FAM184A: variants seen among roughly 807,000 people sequenced by gnomAD.
FAM184A encodes the protein family with sequence similarity 184 member A, also known as protein FAM184A.
In FAM184A, 99 loss-of-function variants were observed where a neutral mutation model predicts 143.8. That is an observed-to-expected ratio of 0.69 (90% CI 0.58 to 0.81). The LOEUF is 0.81. FAM184A is among the 40% of genes least tolerant of loss of function. The probability of loss-of-function intolerance (pLI) is 0.00; values close to 1 mark genes in which losing one functional copy is unlikely to be tolerated. For missense variants in FAM184A, 1,217 were observed against 1,310.5 expected (o/e 0.93, Z 1.10); for synonymous variants, 427 against 446.4 (o/e 0.96, Z 0.55).
intron 1 of FAM184A, among the ~76,000 whole-genome samples, chr6:119,087,958 T>A (rs370746432): frequency 4.6e-5 from 7 of 152,116 alleles, no homozygotes; most frequent in East Asian, 3.8e-4. Context: ...CTTAAAGATA[T>A]TACATTAAGT....
At chr6:119,067,736 C>G (rs1787510944) in intron 1 of FAM184A, among the ~76,000 whole-genome samples, 1 of 152,172 alleles carries the variant, frequency 6.6e-6, no homozygotes, top group Non-Finnish European at 1.5e-5. Context: ...ATAATGAGAA[C>G]TGACTATATT....
intron 1 of FAM184A, among the ~76,000 whole-genome samples, chr6:119,105,860 C>T (rs1788763486): frequency 6.6e-6 from 1 of 152,102 alleles, no homozygotes; most frequent in Non-Finnish European, 1.5e-5. Context: ...AAATATCAAG[C>T]ACATTTATTG....
At chr6:119,098,548 G>C (rs1344608797) in intron 1 of FAM184A, among the ~76,000 whole-genome samples, 4 of 152,186 alleles carry the variant, frequency 2.6e-5, no homozygotes, top group South Asian at 2.1e-4. Flanking sequence ...GCTTAAAATG[G>C]TGAGATATCT....
rs550561147 is a variant in FAM184A at position 119,013,844 on chromosome 6, C to T, written c.1531-2413G>A. 2.0e-5 allele frequency among the ~76,000 whole-genome samples: 3 copies of T among 152,296 alleles called. No individual in the cohort carries two copies. In the East Asian group the frequency reaches 5.8e-4, roughly 29 times the overall value. Reference sequence around the variant, plus strand: ...CATATCCTATCTCTTCTTAATAGCGCTGTGGCTCTCACGAAATCATCGAGG... The same window carrying T: ...CATATCCTATCTCTTCTTAATAGCGTTGTGGCTCTCACGAAATCATCGAGG... On this transcript the variant is annotated intron_variant, in intron 5 of 17. Coordinates refer to ENST00000338891, the MANE Select transcript of FAM184A (RefSeq NM_024581.6).
chr6:119,085,575 A>G (rs1788197840), intron 1 of FAM184A, among the ~76,000 whole-genome samples: 1 of 152,126 alleles, frequency 6.6e-6, no homozygotes, highest in South Asian at 2.1e-4. Context: ...TGAGCACTTC[A>G]CACTCTTCCA....
chr6:119,078,798 C>G (rs1040604599), upstream of FAM184A: 1 of 153,976 alleles, frequency 6.5e-6, no homozygotes. This position sits in a 1 kb window ranked among gnomAD's most constrained non-coding sequence, Gnocchi z 5.5. Context: ...CCCGCCCAGC[C>G]CCGCGCAGCC....
At chr6:119,142,414 A>G (rs1309854496) in intron 1 of FAM184A, among the ~76,000 whole-genome samples, 3 of 152,224 alleles carry the variant, frequency 2.0e-5, no homozygotes, top group Admixed American at 6.5e-5. Flanking sequence ...GAAAGTTTCT[A>G]AAACCAGGCT....
intron 1 of FAM184A, among the ~76,000 whole-genome samples, chr6:119,045,805 AT>A (rs145283466): frequency 0.022 from 3,406 of 152,314 alleles, 119 homozygotes; most frequent in African/African-American, 0.078. Context: ...ATTAAAAAAA[AT>A]TTATATTGCA....
At chr6:119,134,407 C>CG (rs1006379528) in intron 1 of FAM184A, among the ~76,000 whole-genome samples, 32 of 151,928 alleles carry the variant, frequency 2.1e-4, no homozygotes, top group African/African-American at 6.0e-4. Flanking sequence ...AAGTCTATTG[C>CG]GGGGGGTGCC....
At chr6:119,111,665 T>G (rs1788937633) in intron 1 of FAM184A, among the ~76,000 whole-genome samples, 1 of 152,210 alleles carries the variant, frequency 6.6e-6, no homozygotes, top group Non-Finnish European at 1.5e-5. Context: ...AGAGGTGTCT[T>G]GTCTGTTGAT....
chr6:119,068,139 T>C (rs1046508769), intron 1 of FAM184A, among the ~76,000 whole-genome samples: 1 of 148,060 alleles, frequency 6.8e-6, no homozygotes, highest in Non-Finnish European at 1.5e-5. Flanking sequence ...CTCCGCCTCC[T>C]GGGTTCAAGC....
intron 1 of FAM184A, among the ~76,000 whole-genome samples, chr6:119,073,428 T>C (rs1787762766): frequency 6.6e-6 from 1 of 152,230 alleles, no homozygotes; most frequent in Non-Finnish European, 1.5e-5. Context: ...GGGAAGTTTC[T>C]GCTGAGAACC....
intron 1 of FAM184A, among the ~76,000 whole-genome samples, chr6:119,027,986 C>G (rs1174872280): frequency 6.6e-6 from 1 of 152,134 alleles, no homozygotes; most frequent in Non-Finnish European, 1.5e-5. Context: ...CTGTGAGTGC[C>G]CCCCACTTCA....
At chr6:118,997,129 G>C (rs1172264735) in intron 9 of FAM184A, among the ~76,000 whole-genome samples, 1 of 151,662 alleles carries the variant, frequency 6.6e-6, no homozygotes, top group Non-Finnish European at 1.5e-5. Flanking sequence ...GGCTGGGCGT[G>C]GTGGCTCACA....
chr6:119,098,343 A>T (rs1788561405), intron 1 of FAM184A, among the ~76,000 whole-genome samples: 1 of 152,176 alleles, frequency 6.6e-6, no homozygotes, highest in Non-Finnish European at 1.5e-5. Context: ...GTATGTCTTT[A>T]TCAGTGGTGT....
chr6:119,102,418 G>A (rs918778716), intron 1 of FAM184A, among the ~76,000 whole-genome samples: 2 of 152,092 alleles, frequency 1.3e-5, no homozygotes, highest in Admixed American at 6.6e-5. Flanking sequence ...TTAGGCAATA[G>A]GAATCATAGT....
chr6:119,002,601 G>C (rs1784798300), intron 9 of FAM184A, among the ~76,000 whole-genome samples: 1 of 152,044 alleles, frequency 6.6e-6, no homozygotes, highest in Non-Finnish European at 1.5e-5. Context: ...AAGATTTTAT[G>C]CTTTCAAAAC....
chr6:119,051,144 TA>T (rs1200820422), intron 1 of FAM184A, among the ~76,000 whole-genome samples: 1 of 60,930 alleles, frequency 1.6e-5, no homozygotes, highest in Non-Finnish European at 3.1e-5. Flanking sequence ...GAACCTAAAA[TA>T]AAAGTTTAAA....
At chr6:119,081,332 T>A (rs1305988847), upstream of FAM184A, among the ~76,000 whole-genome samples, 2 of 152,136 alleles carry the variant, frequency 1.3e-5, no homozygotes, top group African/African-American at 4.8e-5. Context: ...CTTGTCCCCT[T>A]CGCAGGGCGT....
Sources: allele counts gnomAD v4.1 joint callset (sites outside exome capture counted in the v4.1 genomes callset), GRCh38; gene constraint gnomAD v4.1.1; non-coding constraint Gnocchi (gnomAD v3.1); transcripts MANE v1.5; gene names NCBI Gene and HGNC (gene_info 2026-07-23, HGNC 2026-07-21).